RBFOX1: variants seen among roughly 807,000 people sequenced by gnomAD.
The protein encoded by RBFOX1 is RNA binding fox-1 homolog 1, also known as RNA binding protein fox-1 homolog 1.
Under a neutral mutation model 57.7 loss-of-function variants are expected in RBFOX1, and 8 were observed. The observed-to-expected ratio is 0.14, with a 90% confidence interval of 0.08 to 0.25. RBFOX1 has a LOEUF of 0.25. Ranked by LOEUF, RBFOX1 falls within the 10% of genes least tolerant of loss-of-function variation. The probability of loss-of-function intolerance (pLI) is 1.00; values close to 1 mark genes in which losing one functional copy is unlikely to be tolerated. For missense variants in RBFOX1, 611 were observed against 548.5 expected (o/e 1.11, Z -1.14); for synonymous variants, 326 against 222.4 (o/e 1.47, Z -4.15).
intron 3 of RBFOX1, among the ~76,000 whole-genome samples, chr16:6,897,919 C>G (rs571592543): frequency 1.2e-4 from 19 of 152,182 alleles, no homozygotes; most frequent in African/African-American, 4.6e-4. Flanking sequence ...GTGTCTCAGA[C>G]ACGAGCTACC....
chr16:6,851,450 G>C lies in RBFOX1; in HGVS notation c.-16+196800G>C, dbSNP rs4129043. Among the ~76,000 whole-genome samples, 502 of 152,116 alleles carry C rather than the reference G, an allele frequency of 3.3e-3. 6 individuals are homozygous for C. Among genetic ancestry groups the C allele is most frequent in the African/African-American group, 0.012 (491 of 41,514 alleles). ...TTATTAAATTACATGTGAATCTACAGTTATCTCAAAAAGTTTAATTTTTAA... is the reference window on the plus strand; with the variant it reads ...TTATTAAATTACATGTGAATCTACACTTATCTCAAAAAGTTTAATTTTTAA... On this transcript the variant is annotated intron_variant, in intron 3 of 15. Coordinates refer to ENST00000550418, the MANE Select transcript of RBFOX1 (RefSeq NM_018723.4).
intron 2 of RBFOX1, among the ~76,000 whole-genome samples, chr16:6,602,242 G>A (rs779165264): frequency 6.6e-6 from 1 of 151,874 alleles, no homozygotes; most frequent in Admixed American, 6.6e-5. Context: ...ATAGATGATT[G>A]GCAAATATTC....
intron 3 of RBFOX1, among the ~76,000 whole-genome samples, chr16:5,665,235 G>A (rs74004465): frequency 0.019 from 2,849 of 152,082 alleles, 86 homozygotes; most frequent in African/African-American, 0.065. Context: ...ACAGGCAGGA[G>A]CCACTGCTTC....
intron 3 of RBFOX1, among the ~76,000 whole-genome samples, chr16:5,657,607 GCTTTCTTTCTTTCTCTCTTTCTTTCTTT>G (rs2049471388): frequency 1.1e-5 from 1 of 94,150 alleles, no homozygotes. Flanking sequence ...TTTCTCGCTC[GCTTTCTTTCTTTCTCTCTTTCTTTCTTT>G]CTTTCTTTCT....
intron 3 of RBFOX1, among the ~76,000 whole-genome samples, chr16:5,696,421 A>T (rs772395586): frequency 6.6e-6 from 1 of 152,214 alleles, no homozygotes; most frequent in Non-Finnish European, 1.5e-5. Context: ...ACTGGTGGAC[A>T]TTCAGGTTAT....
intron 1 of RBFOX1, among the ~76,000 whole-genome samples, chr16:5,329,629 C>G (rs1567341597): frequency 6.6e-6 from 1 of 152,184 alleles, no homozygotes; most frequent in African/African-American, 2.4e-5. Context: ...ACTGTTATAA[C>G]AAAATAACAT....
rs1194533238 is a variant in RBFOX1 at position 6,008,818 on chromosome 16, T to C, written c.351+141483T>C. Among the ~76,000 whole-genome samples the C allele has an allele frequency of 2.6e-5, 4 of 152,266 alleles. No homozygotes were observed. In the South Asian group the frequency reaches 6.2e-4, roughly 24 times the overall value. On this transcript the variant is annotated intron_variant, in intron 4 of 19. Coordinates refer to the RBFOX1 transcript ENST00000641259. The stretch of plus-strand genomic sequence containing the variant: ...TCTCCGTGAACTGCTCCAGGAAAAA[T>C]GTGGTTGCTTTTATTGCCAAGTTGC...
chr16:7,559,028 C>T (rs2089606820), intron 5 of RBFOX1, among the ~76,000 whole-genome samples: 1 of 152,140 alleles, frequency 6.6e-6, no homozygotes, highest in Admixed American at 6.5e-5. Flanking sequence ...ATGAAGAGTG[C>T]CTGGTCTCTG....
chr16:7,700,680 C>T (rs558658662), intron 14 of RBFOX1, among the ~76,000 whole-genome samples: 134 of 152,298 alleles, frequency 8.8e-4, no homozygotes, highest in African/African-American at 3.1e-3. Context: ...AATGTGCCTA[C>T]AGCTCCTTTT....
At chr16:6,212,698 G>A (rs1346136294) in intron 1 of RBFOX1, among the ~76,000 whole-genome samples, 1 of 138,870 alleles carries the variant, frequency 7.2e-6, no homozygotes, top group Admixed American at 7.9e-5. Context: ...CAGAGTGAGA[G>A]TCTGTCAAAA....
Position 6,772,656 on chromosome 16 carries a change from GTGTA to G in RBFOX1, c.-16+118010_-16+118013del, listed in dbSNP as rs1359347225. 1.3e-5 allele frequency among the ~76,000 whole-genome samples: 2 copies of G among 150,290 alleles called. 1 individual carries two copies. The highest frequency in any genetic ancestry group is 4.9e-5 in the African/African-American group (2 of 40,754). ...GTGGGGTGCATTTGTGTGTGTGTGT[GTGTA>G]TGTGGACTTTGAGTGCATTTGTGTG... is the stretch of plus-strand genomic sequence containing the variant. On this transcript the variant is annotated intron_variant, in intron 3 of 15. Transcript: ENST00000550418.
At chr16:7,249,991 T>C (rs1465543133) in intron 4 of RBFOX1, among the ~76,000 whole-genome samples, 1 of 152,224 alleles carries the variant, frequency 6.6e-6, no homozygotes, top group Non-Finnish European at 1.5e-5. Context: ...TATAAAATCC[T>C]TTCCAATTGC....
chr16:7,013,422 T>G (rs1221210064), intron 3 of RBFOX1, among the ~76,000 whole-genome samples: 3 of 152,146 alleles, frequency 2.0e-5, no homozygotes, highest in Non-Finnish European at 4.4e-5. Context: ...TCTGGAGACA[T>G]GTTTGGTTGC....
intron 4 of RBFOX1, among the ~76,000 whole-genome samples, chr16:7,148,112 A>G (rs1391707575): frequency 6.6e-6 from 1 of 152,230 alleles, no homozygotes; most frequent in Non-Finnish European, 1.5e-5. Flanking sequence ...CTAGGAAGTG[A>G]CGCACAATTG....
rs2058765351 is a variant in RBFOX1, at chr16:5,919,089, A to C, written c.351+51754A>C. On this transcript the variant is annotated intron_variant, in intron 4 of 19. Coordinates refer to the RBFOX1 transcript ENST00000641259. ...AGAGCTGAGGCAGTTTCAGCCTATC[A>C]CCTGATAGCACATAGGTACCTGGAA... 2.0e-5 allele frequency among the ~76,000 whole-genome samples: 3 copies of C among 152,230 alleles called. 1 individual carries two copies. In the South Asian group the frequency reaches 6.2e-4, roughly 32 times the overall value.
chr16:6,151,316 C>T (rs544619163), intron 1 of RBFOX1, among the ~76,000 whole-genome samples: 22 of 152,180 alleles, frequency 1.4e-4, no homozygotes, highest in African/African-American at 5.1e-4. Context: ...GACGGAGTCT[C>T]ACTCTGTCAC....
chr16:7,101,504 C>T (rs566878559), intron 4 of RBFOX1, among the ~76,000 whole-genome samples: 133 of 152,068 alleles, frequency 8.7e-4, no homozygotes, highest in Non-Finnish European at 1.6e-3. Flanking sequence ...AGAAAGAGAC[C>T]GGCTGTACCA....
intron 1 of RBFOX1, among the ~76,000 whole-genome samples, chr16:6,163,408 T>C (rs1774435739): frequency 6.6e-6 from 1 of 152,262 alleles, no homozygotes; most frequent in African/African-American, 2.4e-5. Context: ...TGTTTGAGCA[T>C]AAGCGATTGG....
At chr16:5,958,643 A>T (rs1446671037) in intron 4 of RBFOX1, among the ~76,000 whole-genome samples, 4 of 152,190 alleles carry the variant, frequency 2.6e-5, no homozygotes, top group Non-Finnish European at 4.4e-5. Flanking sequence ...AGTGGCTTAA[A>T]ACAGCACAGA....
Sources: allele counts gnomAD v4.1 joint callset (sites outside exome capture counted in the v4.1 genomes callset), GRCh38; gene constraint gnomAD v4.1.1; transcripts MANE v1.5; gene names NCBI Gene and HGNC (gene_info 2026-07-23, HGNC 2026-07-21).